SPTLC1: variants seen among roughly 807,000 people sequenced by gnomAD.
SPTLC1 encodes the protein serine palmitoyltransferase long chain base subunit 1.
In SPTLC1, 55 loss-of-function variants were observed where a neutral mutation model predicts 68.9. The ratio of observed to expected loss-of-function variants is 0.80; its 90% CI spans 0.64 to 1.00. The LOEUF is 1.00. Among genes scored for constraint, SPTLC1 ranks in the 50% least tolerant of loss-of-function variants. The pLI, the probability that SPTLC1 is intolerant of heterozygous loss-of-function variation, is 0.00. For missense variants in SPTLC1, 449 were observed against 573.1 expected, an observed-to-expected ratio of 0.78 and a Z score of 2.21; for synonymous variants, 197 against 201.6, an observed-to-expected ratio of 0.98 and a Z score of 0.19.
At chr9:92,049,882 A>T in intron 9 of SPTLC1, 78 bp downstream of exon 9, 1 of 995,526 alleles carries the variant, frequency 1.0e-6, no homozygotes, top group Non-Finnish European at 1.6e-6. Context: ...TCTTGTGCCT[A>T]TAAAAATATA....
chr9:92,044,902 G>T (rs1833457614), intron 12 of SPTLC1, among the ~76,000 whole-genome samples: 1 of 152,140 alleles, frequency 6.6e-6, no homozygotes. Flanking sequence ...ATACAGCTGG[G>T]GTAAGTGGAG....
intron 7 of SPTLC1, among the ~76,000 whole-genome samples, chr9:92,058,206 C>T (rs1261773031): frequency 6.6e-6 from 1 of 152,176 alleles, no homozygotes; most frequent in Non-Finnish European, 1.5e-5. Flanking sequence ...CAAGATCATG[C>T]ATATTCATCA....
intron 3 of SPTLC1, among the ~76,000 whole-genome samples, chr9:92,107,518 C>T (rs554732886): frequency 1.5e-4 from 23 of 152,276 alleles, no homozygotes; most frequent in South Asian, 2.1e-4. Context: ...TTTGGGAGGC[C>T]GAGGCCGGCG....
rs190084611 is a variant in SPTLC1, at chr9:92,075,270, C to T, written c.427+4746G>A. 5.8e-3 allele frequency among the ~76,000 whole-genome samples: 889 copies of T among 152,286 alleles called. 6 individuals are homozygous for T. Among genetic ancestry groups the T allele is most frequent in the Non-Finnish European group, 8.2e-3 (561 of 68,010 alleles). Reference sequence around the variant, plus strand: ...ATTCAGCTAATCTCCAAATTCCAATCCCCACCACCAAACAACTACTCCTCT... The same window carrying T: ...ATTCAGCTAATCTCCAAATTCCAATTCCCACCACCAAACAACTACTCCTCT... On this transcript the variant is annotated intron_variant, in intron 5 of 14. Coordinates refer to ENST00000262554, the MANE Select transcript of SPTLC1 (RefSeq NM_006415.4).
At chr9:92,042,943 G>T (rs988578965) in intron 12 of SPTLC1, among the ~76,000 whole-genome samples, 3 of 152,214 alleles carry the variant, frequency 2.0e-5, no homozygotes, top group African/African-American at 7.2e-5. Context: ...ATGTTATTCA[G>T]AAATTGATCT....
intron 14 of SPTLC1, among the ~76,000 whole-genome samples, chr9:92,033,515 C>T (rs907332634): frequency 1.3e-5 from 2 of 152,216 alleles, no homozygotes; most frequent in Non-Finnish European, 1.5e-5. Context: ...CGTCCTCATG[C>T]ACCTACGGTC....
intron 3 of SPTLC1, among the ~76,000 whole-genome samples, chr9:92,102,188 C>G (rs1564116411): frequency 6.6e-6 from 1 of 152,142 alleles, no homozygotes; most frequent in Non-Finnish European, 1.5e-5. Context: ...AGCACAGCTA[C>G]CCATCAGAAA....
intron 5 of SPTLC1, among the ~76,000 whole-genome samples, chr9:92,071,492 GA>G (rs1280110090): frequency 1.3e-5 from 2 of 152,198 alleles, no homozygotes; most frequent in Non-Finnish European, 2.9e-5. Flanking sequence ...GTACTCACTG[GA>G]ACATACAGAG....
chr9:92,045,233 T>C (rs971321618), intron 12 of SPTLC1, among the ~76,000 whole-genome samples: 9 of 152,252 alleles, frequency 5.9e-5, no homozygotes, highest in African/African-American at 1.9e-4. Context: ...AGATAGGACT[T>C]TCATGACCAA....
chr9:92,075,435 T>TA (rs759217800), intron 5 of SPTLC1, among the ~76,000 whole-genome samples: 30 of 152,176 alleles, frequency 2.0e-4, no homozygotes, highest in Middle Eastern at 3.4e-3. Context: ...CCTTTTACTC[T>TA]AAAAAAGGCC....
At chr9:92,058,248 T>C (rs1833964168) in intron 7 of SPTLC1, among the ~76,000 whole-genome samples, 1 of 151,480 alleles carries the variant, frequency 6.6e-6, no homozygotes, top group Non-Finnish European at 1.5e-5. Flanking sequence ...AGTGATGCAC[T>C]TAGGCTGACA....
chr9:92,040,037 C>CT (rs138702813), intron 12 of SPTLC1, among the ~76,000 whole-genome samples: 50 of 147,616 alleles, frequency 3.4e-4, no homozygotes, highest in Non-Finnish European at 4.1e-4. Context: ...TATCAAGTAT[C>CT]TTTTTTTTTT....
At chr9:92,067,910 C>G in intron 6 of SPTLC1, 56 bp downstream of exon 6, 2 of 1,558,504 alleles carry the variant, frequency 1.3e-6, no homozygotes, top group South Asian at 1.1e-5. Flanking sequence ...TTCTCTAAGA[C>G]AGTCAGTATT....
At chr9:92,085,308 T>G (rs1286738251) in intron 3 of SPTLC1, among the ~76,000 whole-genome samples, 1 of 146,282 alleles carries the variant, frequency 6.8e-6, no homozygotes, top group African/African-American at 2.6e-5. Context: ...TGCTCTTGCT[T>G]TTCTAGTTCT....
intron 3 of SPTLC1, among the ~76,000 whole-genome samples, chr9:92,107,503 AG>A (rs572304512): frequency 1.5e-3 from 223 of 152,382 alleles, no homozygotes; most frequent in African/African-American, 5.1e-3. Flanking sequence ...CTGTAATCCC[AG>A]CACTTTGGGA....
chr9:92,035,560 G>C (rs1833113876), intron 13 of SPTLC1, among the ~76,000 whole-genome samples: 1 of 152,152 alleles, frequency 6.6e-6, no homozygotes, highest in Non-Finnish European at 1.5e-5. Context: ...TGATGAAAAA[G>C]TTTTGGAATG....
At chr9:92,085,403 A>G (rs1835080959) in intron 3 of SPTLC1, among the ~76,000 whole-genome samples, 1 of 149,804 alleles carries the variant, frequency 6.7e-6, no homozygotes, top group Non-Finnish European at 1.5e-5. Context: ...CCCTCTACAC[A>G]CTGCTTTGAA....
intron 8 of SPTLC1, among the ~76,000 whole-genome samples, chr9:92,053,138 A>C (rs1010502319): frequency 6.7e-6 from 1 of 149,656 alleles, no homozygotes; most frequent in African/African-American, 2.5e-5. Context: ...AACAAAAAAA[A>C]AAACAAGAAA....
In SPTLC1 at chr9:92,051,052, T is replaced by C. The variant is rs1833689839; in HGVS notation, c.781-985A>G. On this transcript the variant is annotated intron_variant, in intron 8 of 14. Coordinates refer to ENST00000262554, the MANE Select transcript of SPTLC1 (RefSeq NM_006415.4). ...GTATCTGTCCATTAGCACTGCTTCA[T>C]TACTGTAGCCCTATAATATACGTCC... is the stretch of plus-strand genomic sequence containing the variant. 4.1e-6 allele frequency: 4 copies of C among 985,202 alleles called. No homozygotes were observed. The African/African-American group carries it at 5.2e-5, about 13-fold the overall frequency. The allele number at this position is 985,202 out of a possible 1,614,324, so 61.0% of individuals were successfully genotyped here.
Sources: gnomAD v4.1 joint callset for allele counts (sites outside exome capture counted in the v4.1 genomes callset) on GRCh38, gnomAD v4.1.1 for gene constraint, MANE v1.5 for transcripts, NCBI Gene and HGNC (gene_info 2026-07-23, HGNC 2026-07-21) for gene names.